The following RBBP5 variants were observed in gnomAD, a reference collection of about 807,000 sequenced individuals.
RBBP5 encodes RB binding protein 5, histone lysine methyltransferase complex subunit, also known as retinoblastoma-binding protein 5.
Under a neutral mutation model 72.2 loss-of-function variants are expected in RBBP5, and 5 were observed. That is an observed-to-expected ratio of 0.07 (90% confidence interval 0.04 to 0.15). RBBP5 has a LOEUF of 0.15. Ranked by LOEUF, RBBP5 falls within the 10% of genes least tolerant of loss-of-function variation. RBBP5 has a pLI of 1.00. For missense variants in RBBP5, 322 were observed against 652.2 expected, an observed-to-expected ratio of 0.49 and a Z score of 5.51; for synonymous variants, 209 against 237.2, an observed-to-expected ratio of 0.88 and a Z score of 1.09.
chr1:205,103,875 C>T lies in RBBP5; in HGVS notation c.504G>A (p.Thr168=), dbSNP rs770134748. The change falls in exon 5 of 14, where the codon ACG becomes ACA. Residue 168 remains threonine, a synonymous_variant. Transcript: ENST00000264515. ...GGCTTACCTTGCCTTTTGCGTTTCC[C>T]GTATAAATATATTCCCCTCGCCTAT... is the stretch of plus-strand genomic sequence containing the variant. The part of the protein sequence containing the change: ...SFDRRGEYIY[T]GNAKGKILVL... 18 of 1,612,148 alleles carry T rather than the reference C, an allele frequency of 1.1e-5. No homozygotes were observed. The South Asian group carries it at 1.3e-4, about 12-fold the overall frequency.
chr1:205,100,114 A>C (rs1558574201), intron 7 of RBBP5, 38 bp downstream of exon 7: 2 of 1,614,126 alleles, frequency 1.2e-6, no homozygotes, highest in East Asian at 4.5e-5. Flanking sequence ...AGCCCAGGTC[A>C]TGAATGATCA....
chr1:205,107,774 C>T (rs1656132492), intron 3 of RBBP5, among the ~76,000 whole-genome samples: 2 of 151,794 alleles, frequency 1.3e-5, no homozygotes, highest in African/African-American at 4.8e-5. Context: ...GCTGAAAACC[C>T]GTCTCTACTA....
Position 205,088,354 on chromosome 1 carries a change from A to T in RBBP5, c.*433T>A, listed in dbSNP as rs11240354. The T allele has an allele frequency of 0.098, 15,747 of 160,414 alleles. 1,439 individuals carry two copies. The highest frequency in any genetic ancestry group is 0.24 in the African/African-American group (9,932 of 41,628). The allele number at this position is 160,414 out of a possible 1,614,324, so 9.9% of individuals were successfully genotyped here. On this transcript the variant is annotated 3_prime_UTR_variant, in exon 14 of 14. Coordinates refer to ENST00000264515, the MANE Select transcript of RBBP5 (RefSeq NM_005057.4). The stretch of plus-strand genomic sequence containing the variant: ...TATCCAACAAAAGCTTTCCTAGGAT[A>T]CCAGTAGCAAAATTTCAGATAAGAA...
intron 1 of RBBP5, among the ~76,000 whole-genome samples, chr1:205,120,776 T>C (rs1656705735): frequency 6.6e-6 from 1 of 150,702 alleles, no homozygotes; most frequent in South Asian, 2.1e-4. Flanking sequence ...CGCGAGGCTG[T>C]CTTAAAAAAA....
In RBBP5 at chr1:205,105,043, T is replaced by C. The variant is rs1362499422; in HGVS notation, c.344A>G (p.Tyr115Cys). 1.2e-6 allele frequency: 2 copies of C among 1,613,908 alleles called. No homozygotes were observed. Among genetic ancestry groups the C allele is most frequent in the African/African-American group, 2.7e-5 (2 of 74,896 alleles). The change falls in exon 4 of 14, where the codon TAT (tyrosine) becomes TGT (cysteine). Residue 115 changes from tyrosine to cysteine, a missense_variant. Around this residue, in one of 6 missense-constraint regions of RBBP5, gnomAD observed 161 missense variants for 327.8 expected, o/e 0.49. Transcript: ENST00000264515. The part of the protein sequence containing the change: ...RFPSPILKVQ[Y>C]HPRDQNKVLV... ...TTAAACATACTGATCTCGTGGATGA[T>C]ATTGGACTTTTAAGATGGGTGAAGG...
intron 13 of RBBP5, among the ~76,000 whole-genome samples, chr1:205,089,581 A>T (rs1655257439): frequency 6.6e-6 from 1 of 152,188 alleles, no homozygotes; most frequent in Non-Finnish European, 1.5e-5. Context: ...AATCGCCCAA[A>T]CTATGAAAGA....
At chr1:205,118,979 CT>C (rs1357273581) in intron 1 of RBBP5, among the ~76,000 whole-genome samples, 1 of 152,212 alleles carries the variant, frequency 6.6e-6, no homozygotes, top group African/African-American at 2.4e-5. Flanking sequence ...CACATTACTT[CT>C]GTTCCTTTCC....
In RBBP5 at chr1:205,099,110, T is replaced by C. The variant is rs1558573612; in HGVS notation, c.979-4A>G. ...GTGCAAATGCACTCCAGTTTTCCTA[T>C]ACAACAAGATATACTACTTAACCAT... On this transcript the variant is annotated splice_polypyrimidine_tract_variant and splice_region_variant and intron_variant, in intron 9 of 13. Transcript: ENST00000264515. This position sits in a 1 kb window ranked among gnomAD's most constrained non-coding sequence, Gnocchi z 4.7. 2.6e-6 allele frequency: 4 copies of C among 1,552,812 alleles called. No homozygotes were observed. Among genetic ancestry groups the C allele is most frequent in the South Asian group, 2.3e-5 (2 of 87,988 alleles).
intron 13 of RBBP5, among the ~76,000 whole-genome samples, chr1:205,092,681 T>C (rs1438390350): frequency 6.6e-6 from 1 of 151,836 alleles, no homozygotes; most frequent in Admixed American, 6.6e-5. Context: ...CCTCCTGTCT[T>C]GGCCTCTCAA....
intron 13 of RBBP5, chr1:205,091,683 C>T (rs1021894159): frequency 1.3e-5 from 2 of 152,212 alleles, no homozygotes; most frequent in Non-Finnish European, 2.9e-5. Flanking sequence ...TGGTCAACTA[C>T]AGATATTAAC....
At chr1:205,093,593 A>T (rs1037453816) in intron 13 of RBBP5, among the ~76,000 whole-genome samples, 1 of 138,772 alleles carries the variant, frequency 7.2e-6, no homozygotes, top group Non-Finnish European at 1.6e-5. Flanking sequence ...TATATACACA[A>T]ACACAGCCTT....
In RBBP5 at chr1:205,088,546, G is replaced by A. The variant is rs1655215255; in HGVS notation, c.*241C>T. The A allele has an allele frequency of 8.3e-6, 4 of 484,760 alleles. No individual in the cohort carries two copies. In the South Asian group the frequency reaches 1.3e-4, roughly 15 times the overall value. The allele number at this position is 484,760 out of a possible 1,614,324, so 30.0% of individuals were successfully genotyped here. A position where few individuals can be genotyped will look rare whatever the true frequency, so the allele number is the denominator to read the frequency against. On this transcript the variant is annotated 3_prime_UTR_variant, in exon 14 of 14. Transcript: ENST00000264515. Reference sequence around the variant, plus strand: ...AAATGAGTCAAAATTCCTATCTGATGTCTTCACAAATCTTCATTCCTGAGA... The same window carrying A: ...AAATGAGTCAAAATTCCTATCTGATATCTTCACAAATCTTCATTCCTGAGA...
In RBBP5 at chr1:205,094,947, T is replaced by C. The variant is rs769179620; in HGVS notation, c.1514A>G (p.Lys505Arg). Reference protein sequence around the residue: ...KDSPFKPKLYKGDRGLPLEGS... With the variant: ...KDSPFKPKLYRGDRGLPLEGS... ...TTCCAGAGGTAAACCTCTGTCCCCT[T>C]TGTAGAGTTTCGGTTTAAATGGAGA... Residue 505 changes from lysine (K) to arginine (R), a missense_variant, in exon 13 of 14, where the codon AAA becomes AGA. This residue lies in a region of RBBP5 where 109 missense variants were observed against 146.3 expected (regional missense o/e 0.75). Transcript: ENST00000264515. The C allele has an allele frequency of 8.1e-6, 13 of 1,614,098 alleles. No individual in the cohort carries two copies. Among genetic ancestry groups the C allele is most frequent in the African/African-American group, 1.3e-5 (1 of 75,026 alleles).
rs547823769 is a variant in RBBP5 at position 205,115,963 on chromosome 1, G to C, written c.20-80C>G. 4 of 1,612,984 alleles carry C rather than the reference G, an allele frequency of 2.5e-6. No individual in the cohort carries two copies. In the South Asian group the frequency reaches 4.4e-5, roughly 18 times the overall value. ...TACAACTCACGAACAGTGTATAGCA[G>C]TGGCTGACAAAACGAAAAGGGGGAT... On this transcript the variant is annotated intron_variant, in intron 1 of 13. Coordinates refer to ENST00000264515, the MANE Select transcript of RBBP5 (RefSeq NM_005057.4).
At position 205,117,046 on chromosome 1, in the gene RBBP5, T is replaced by G. The variant is rs548903896; in HGVS notation, c.20-1163A>C. ...TTTTTTTGTTTTTCGACCGGCCTGG[T>G]TTTTTTTGTTTGTTTGTTTGTTTGA... On this transcript the variant is annotated intron_variant, in intron 1 of 13. Transcript: ENST00000264515. Among the ~76,000 whole-genome samples, 23 of 151,892 alleles carry G rather than the reference T, an allele frequency of 1.5e-4. 1 individual carries two copies. The South Asian group carries it at 4.6e-3, about 30-fold the overall frequency.
At chr1:205,095,658 A>C (rs920571142) in intron 12 of RBBP5, among the ~76,000 whole-genome samples, 7 of 152,192 alleles carry the variant, frequency 4.6e-5, no homozygotes, top group Admixed American at 3.9e-4. Context: ...AACTAGAGAG[A>C]CTAGAATGAG....
intron 3 of RBBP5, among the ~76,000 whole-genome samples, chr1:205,105,943 A>T (rs1656045962): frequency 6.6e-6 from 1 of 152,258 alleles, no homozygotes; most frequent in African/African-American, 2.4e-5. Flanking sequence ...TGAAGCAGAT[A>T]GCCTAGACTT....
intron 13 of RBBP5, among the ~76,000 whole-genome samples, chr1:205,089,702 C>A (rs1345700247): frequency 6.6e-6 from 1 of 152,188 alleles, no homozygotes; most frequent in Non-Finnish European, 1.5e-5. Flanking sequence ...CAATGAGATA[C>A]AAACTTTCTA....
chr1:205,106,967 G>A (rs963218467), intron 3 of RBBP5, among the ~76,000 whole-genome samples: 1 of 151,982 alleles, frequency 6.6e-6, no homozygotes, highest in Non-Finnish European at 1.5e-5. Flanking sequence ...AGGAAAAAAA[G>A]GGAAAGAATT....
Sources: allele counts gnomAD v4.1 joint callset (sites outside exome capture counted in the v4.1 genomes callset), GRCh38; gene constraint gnomAD v4.1.1; regional missense constraint gnomAD v4.1.1; non-coding constraint Gnocchi (gnomAD v3.1); transcripts MANE v1.5; gene names NCBI Gene and HGNC (gene_info 2026-07-23, HGNC 2026-07-21).